The following GLIS3 variants were observed in gnomAD, a reference collection of about 807,000 sequenced individuals.
GLIS3 encodes zinc finger protein GLIS3.
In GLIS3, 53 loss-of-function variants were observed where a neutral mutation model predicts 78.6. The observed-to-expected ratio is 0.67, with a 90% CI of 0.54 to 0.85. GLIS3 has a LOEUF of 0.85. Ranked by LOEUF, GLIS3 falls within the 40% of genes least tolerant of loss-of-function variation. GLIS3 has a pLI of 0.00. For synonymous variants in GLIS3, 684 were observed against 509.9 expected, an observed-to-expected ratio of 1.34 and a Z score of -4.60; for missense variants, 1,703 against 1,231.1, an observed-to-expected ratio of 1.38 and a Z score of -5.74.
At chr9:4,020,643 G>A (rs1018149901) in intron 4 of GLIS3, among the ~76,000 whole-genome samples, 10 of 152,162 alleles carry the variant, frequency 6.6e-5, no homozygotes, top group Admixed American at 6.5e-4. Flanking sequence ...CTAATCTTGA[G>A]ATGTAACAGA....
At chr9:4,151,358 G>C (rs752643003) in intron 2 of GLIS3, among the ~76,000 whole-genome samples, 5 of 152,270 alleles carry the variant, frequency 3.3e-5, no homozygotes, top group African/African-American at 1.2e-4. Context: ...ATATGTTTTA[G>C]CAGAAACACA....
intron 4 of GLIS3, among the ~76,000 whole-genome samples, chr9:4,013,152 A>C (rs938244890): frequency 2.6e-5 from 4 of 151,916 alleles, no homozygotes; most frequent in African/African-American, 9.7e-5. Flanking sequence ...CCTGTAAGGA[A>C]ATTTGGGTTC....
intron 4 of GLIS3, among the ~76,000 whole-genome samples, chr9:3,968,774 A>G (rs1169153371): frequency 1.3e-5 from 2 of 152,218 alleles, no homozygotes; most frequent in Non-Finnish European, 2.9e-5. Context: ...AGTACATTTC[A>G]TTATTACTCC....
At chr9:4,264,827 C>T (rs1300912312) in intron 2 of GLIS3, among the ~76,000 whole-genome samples, 1 of 152,016 alleles carries the variant, frequency 6.6e-6, no homozygotes, top group East Asian at 1.9e-4. Context: ...GTTACTTTGC[C>T]TTACTATTCA....
In GLIS3 at chr9:4,125,920, T is replaced by C; in HGVS notation, c.410A>G (p.Gln137Arg). 6.2e-7 allele frequency: 1 copy of C among 1,613,962 alleles called. No homozygotes were observed. The highest frequency in any genetic ancestry group is 8.5e-7 in the Non-Finnish European group (1 of 1,179,926). ...PGKGALGFGP[Q>R]CKSIGKGSCN... ...GCTGCCTTTTCCAATGGACTTGCAC[T>C]GAGGCCCAAAGCCAAGAGCCCCTAA... The change falls in exon 3 of 11, where the codon CAG becomes CGG. Residue 137 changes from glutamine to arginine, a missense_variant. Physicochemically the swap from Gln to Arg is conservative, Grantham distance 43. Coordinates refer to ENST00000381971, the MANE Select transcript of GLIS3 (RefSeq NM_001042413.2).
the GLIS3 span, among the ~76,000 whole-genome samples, chr9:4,397,024 CTTTTTTTTT>C: frequency 8.3e-6 from 1 of 121,206 alleles, no homozygotes; most frequent in Non-Finnish European, 1.8e-5. Flanking sequence ...TTCTTTTTTT[CTTTTTTTTT>C]TTTTTTTTTT....
At chr9:4,005,031 T>C (rs1404976821) in intron 4 of GLIS3, among the ~76,000 whole-genome samples, 1 of 152,214 alleles carries the variant, frequency 6.6e-6, no homozygotes, top group African/African-American at 2.4e-5. Flanking sequence ...TGAATCCTGA[T>C]GCCCCCAGTG....
At chr9:4,205,511 G>C (rs1224397205) in intron 2 of GLIS3, among the ~76,000 whole-genome samples, 1 of 152,226 alleles carries the variant, frequency 6.6e-6, no homozygotes, top group Non-Finnish European at 1.5e-5. Flanking sequence ...ATGTGAGAAT[G>C]TGATGTCTGG....
chr9:4,067,441 G>A (rs1313453778), intron 4 of GLIS3, among the ~76,000 whole-genome samples: 1 of 152,020 alleles, frequency 6.6e-6, no homozygotes, highest in African/African-American at 2.4e-5. Context: ...CTCCTTTATA[G>A]GAGTGAACAA....
chr9:4,268,685 AAGATAGGTGGTG>A (rs1273811388), intron 2 of GLIS3, among the ~76,000 whole-genome samples: 1 of 152,206 alleles, frequency 6.6e-6, no homozygotes, highest in Non-Finnish European at 1.5e-5. Flanking sequence ...AGAATACTCC[AAGATAGGTGGTG>A]ATACCCCACA....
chr9:4,060,253 C>A (rs948900115), intron 4 of GLIS3, among the ~76,000 whole-genome samples: 2 of 152,130 alleles, frequency 1.3e-5, no homozygotes, highest in African/African-American at 4.8e-5. Context: ...ATGGACTAAA[C>A]CTCCCATTTC....
At chr9:4,375,193 G>T in the GLIS3 span, among the ~76,000 whole-genome samples, 11 of 152,076 alleles carry the variant, frequency 7.2e-5, no homozygotes, top group Non-Finnish European at 1.3e-4. Flanking sequence ...AATCAGCCTC[G>T]TTCAAAAGAG....
At chr9:3,906,136 G>C (rs941133280) in intron 6 of GLIS3, among the ~76,000 whole-genome samples, 1 of 152,212 alleles carries the variant, frequency 6.6e-6, no homozygotes, top group African/African-American at 2.4e-5. Flanking sequence ...AATTGCCAGA[G>C]GTCAGATCAT....
chr9:4,217,524 T>A (rs1179340832), intron 2 of GLIS3, among the ~76,000 whole-genome samples: 1 of 152,186 alleles, frequency 6.6e-6, no homozygotes, highest in Non-Finnish European at 1.5e-5. Context: ...CAAGGTATCA[T>A]CTGCCTATAA....
At chr9:4,242,445 G>A (rs539302175) in intron 2 of GLIS3, among the ~76,000 whole-genome samples, 1 of 152,218 alleles carries the variant, frequency 6.6e-6, no homozygotes, top group African/African-American at 2.4e-5. Flanking sequence ...TCCCTCTGAG[G>A]TGAAACCAAC....
the GLIS3 span, among the ~76,000 whole-genome samples, chr9:4,471,292 T>C: frequency 6.6e-6 from 1 of 152,122 alleles, no homozygotes; most frequent in Non-Finnish European, 1.5e-5. Context: ...GAGCCCGCAT[T>C]GCCAAGACAA....
chr9:4,267,308 T>C (rs1319725879), intron 2 of GLIS3, among the ~76,000 whole-genome samples: 2 of 152,168 alleles, frequency 1.3e-5, no homozygotes, highest in South Asian at 2.1e-4. Flanking sequence ...AGATAGATTA[T>C]GTATAAATTG....
At position 4,142,047 on chromosome 9, in the gene GLIS3, T is replaced by G. The variant is rs550598617; in HGVS notation, c.389-16106A>C. On this transcript the variant is annotated intron_variant, in intron 2 of 10. Transcript: ENST00000381971. ...CACGGTACCAGCAATAACTCCCAAC[T>G]AATCATATCTGAAATTAGGTCAAAA... 1.1e-3 allele frequency among the ~76,000 whole-genome samples: 166 copies of G among 152,264 alleles called. 2 individuals carry two copies. The highest frequency in any genetic ancestry group is 3.1e-3 in the Admixed American group (48 of 15,294).
intron 9 of GLIS3, among the ~76,000 whole-genome samples, chr9:3,846,786 A>T (rs1819074996): frequency 6.6e-6 from 1 of 152,206 alleles, no homozygotes. Flanking sequence ...ACTGACAAGA[A>T]GCAGTAATAT....
Sources: gnomAD v4.1 joint callset for allele counts (sites outside exome capture counted in the v4.1 genomes callset) on GRCh38, gnomAD v4.1.1 for gene constraint, MANE v1.5 for transcripts, NCBI Gene and HGNC (gene_info 2026-07-23, HGNC 2026-07-21) for gene names.